Variants in SCAI observed in about 807,000 individuals in gnomAD.
The protein encoded by SCAI is suppressor of cancer cell invasion.
SCAI carries 24 observed loss-of-function variants against 92.2 expected under a neutral mutation model. The observed-to-expected ratio is 0.26, with a 90% CI of 0.19 to 0.37. The LOEUF is 0.37. Ranked by LOEUF, SCAI falls within the 10% of genes least tolerant of loss-of-function variation. The pLI, the probability that SCAI is intolerant of heterozygous loss-of-function variation, is 1.00. For missense variants in SCAI, 450 were observed against 736.2 expected, an observed-to-expected ratio of 0.61 and a Z score of 4.50; for synonymous variants, 261 against 258.6, an observed-to-expected ratio of 1.01 and a Z score of -0.09.
At chr9:124,967,822 G>A (rs1831570416) in intron 17 of SCAI, among the ~76,000 whole-genome samples, 1 of 152,174 alleles carries the variant, frequency 6.6e-6, no homozygotes, top group Admixed American at 6.5e-5. Flanking sequence ...GCTCAGAAGT[G>A]CTTCCACTTT....
At chr9:125,078,378 A>G (rs1834138790) in intron 2 of SCAI, among the ~76,000 whole-genome samples, 1 of 152,018 alleles carries the variant, frequency 6.6e-6, no homozygotes, top group South Asian at 2.1e-4. Context: ...AATACAAAAA[A>G]TTAGCCAGGC....
intron 2 of SCAI, among the ~76,000 whole-genome samples, chr9:125,089,189 T>C (rs1210669597): frequency 6.6e-6 from 1 of 152,222 alleles, no homozygotes; most frequent in Non-Finnish European, 1.5e-5. Context: ...AATACTCTAC[T>C]TGTAGTTCAG....
intron 2 of SCAI, among the ~76,000 whole-genome samples, chr9:125,080,245 A>G (rs1819419806): frequency 6.6e-6 from 1 of 152,126 alleles, no homozygotes. Flanking sequence ...ATGAAAAAAC[A>G]GGCTTAAGTA....
chr9:125,098,232 T>A (rs531954472), intron 2 of SCAI, among the ~76,000 whole-genome samples: 1 of 152,100 alleles, frequency 6.6e-6, no homozygotes, highest in Non-Finnish European at 1.5e-5. Flanking sequence ...TTTTTTTTTA[T>A]TTTTTGGAGA....
intron 3 of SCAI, among the ~76,000 whole-genome samples, chr9:125,047,980 T>C (rs1282499395): frequency 1.3e-5 from 2 of 152,190 alleles, no homozygotes; most frequent in East Asian, 1.9e-4. Flanking sequence ...GATTTTCTTT[T>C]CTTTTGTTTT....
At chr9:125,109,220 C>A (rs560761436) in intron 2 of SCAI, among the ~76,000 whole-genome samples, 1 of 151,818 alleles carries the variant, frequency 6.6e-6, no homozygotes. Context: ...ACAAACACTG[C>A]GGAAGGCCGC....
At chr9:125,069,718 G>T (rs753478046) in intron 2 of SCAI, among the ~76,000 whole-genome samples, 1 of 149,664 alleles carries the variant, frequency 6.7e-6, no homozygotes, top group Non-Finnish European at 1.5e-5. Context: ...CCACCTCCCG[G>T]GTTCAAGCAA....
intron 2 of SCAI, among the ~76,000 whole-genome samples, chr9:125,095,010 TGACA>T (rs1834515743): frequency 6.6e-6 from 1 of 152,232 alleles, no homozygotes; most frequent in Non-Finnish European, 1.5e-5. Context: ...CACGAAGTTG[TGACA>T]GACAAACAGA....
At chr9:125,036,733 C>T (rs534463613) in intron 3 of SCAI, among the ~76,000 whole-genome samples, 5 of 152,266 alleles carry the variant, frequency 3.3e-5, no homozygotes, top group Admixed American at 2.0e-4. Context: ...CCTAGGTCTT[C>T]ATTGTGAAGA....
intron 3 of SCAI, among the ~76,000 whole-genome samples, chr9:125,039,472 G>A (rs1833275302): frequency 6.6e-6 from 1 of 152,126 alleles, no homozygotes; most frequent in Non-Finnish European, 1.5e-5. Flanking sequence ...ATGCAGAAGG[G>A]CAGGTGCTGA....
chr9:125,103,835 CA>C, intron 2 of SCAI, among the ~76,000 whole-genome samples: 1 of 152,272 alleles, frequency 6.6e-6, no homozygotes, highest in South Asian at 2.1e-4. Context: ...AAAAGAGAAA[CA>C]TTTTTTTCTA....
rs771986240 is a variant in SCAI, at chr9:125,066,034, ACTG to A, written c.99-10030_99-10028del. On this transcript the variant is annotated intron_variant, in intron 2 of 17. Transcript: ENST00000336505. ...ATCTTTCCCCTTGAGATTGTGAATG[ACTG>A]CTATCACCAGAACCTCTGATACTGT... is the stretch of plus-strand genomic sequence containing the variant. 7.8e-6 allele frequency: 6 copies of A among 772,152 alleles called. No individual in the cohort carries two copies. The African/African-American group carries it at 8.5e-5, about 11-fold the overall frequency. 47.8% of individuals were successfully genotyped at this position (772,152 alleles called of 1,614,324 possible).
intron 2 of SCAI, among the ~76,000 whole-genome samples, chr9:125,128,737 A>G (rs1422698926): frequency 2.7e-5 from 4 of 147,686 alleles, no homozygotes; most frequent in Non-Finnish European, 4.5e-5. Flanking sequence ...TGGGCGACAG[A>G]GCGAAACTCC....
chr9:125,084,231 C>T (rs1211195927), intron 2 of SCAI, among the ~76,000 whole-genome samples: 6 of 119,706 alleles, frequency 5.0e-5, no homozygotes, highest in Non-Finnish European at 9.5e-5. Flanking sequence ...AGTGCAGTGG[C>T]GCTATCTCGG....
At chr9:124,979,806 C>T (rs1050793854) in intron 14 of SCAI, among the ~76,000 whole-genome samples, 13 of 152,202 alleles carry the variant, frequency 8.5e-5, no homozygotes, top group African/African-American at 2.9e-4. Flanking sequence ...TCCCAGCACT[C>T]TGGGAGGCCC....
intron 17 of SCAI, among the ~76,000 whole-genome samples, chr9:124,953,220 C>T (rs1009421081): frequency 6.6e-6 from 1 of 152,140 alleles, no homozygotes; most frequent in Non-Finnish European, 1.5e-5. Flanking sequence ...ACACTATGCT[C>T]TGTATCACGT....
rs1026486409 is a variant in SCAI at position 125,118,631 on chromosome 9, T to C, written c.98+24002A>G. Among the ~76,000 whole-genome samples, 7 of 152,332 alleles carry C rather than the reference T, an allele frequency of 4.6e-5. No individual in the cohort carries two copies. In the East Asian group the frequency reaches 5.8e-4, roughly 13 times the overall value. On this transcript the variant is annotated intron_variant, in intron 2 of 17. Coordinates refer to ENST00000336505, the MANE Select transcript of SCAI (RefSeq NM_001144877.3). ...GTTCCTTGGTGGTTTGCTGCACCTA[T>C]CAACCCGTCATTTAGGTTTTAAGCC...
chr9:124,974,954 C>G (rs1831726536), intron 15 of SCAI, among the ~76,000 whole-genome samples: 1 of 152,120 alleles, frequency 6.6e-6, no homozygotes, highest in Non-Finnish European at 1.5e-5. Flanking sequence ...CTGTTTTTCT[C>G]CTCTATACAA....
chr9:124,975,882 A>G (rs1344417679), intron 15 of SCAI, among the ~76,000 whole-genome samples: 1 of 152,204 alleles, frequency 6.6e-6, no homozygotes, highest in Non-Finnish European at 1.5e-5. Flanking sequence ...GCAAGGAACA[A>G]AACCACTTCT....
Sources: allele counts gnomAD v4.1 joint callset (sites outside exome capture counted in the v4.1 genomes callset), GRCh38; gene constraint gnomAD v4.1.1; transcripts MANE v1.5; gene names NCBI Gene and HGNC (gene_info 2026-07-23, HGNC 2026-07-21).